The following TACC1 variants were observed in gnomAD, a reference collection of about 807,000 sequenced individuals.
TACC1 encodes the protein transforming acidic coiled-coil containing protein 1.
TACC1 carries 48 observed loss-of-function variants against 84.4 expected under a neutral mutation model. That is an observed-to-expected ratio of 0.57 (90% CI 0.45 to 0.72). The LOEUF is 0.72. Ranked by LOEUF, TACC1 falls within the 30% of genes least tolerant of loss-of-function variation. The pLI, the probability that TACC1 is intolerant of heterozygous loss-of-function variation, is 0.00. For synonymous variants in TACC1, 372 were observed against 376.3 expected, an observed-to-expected ratio of 0.99 and a Z score of 0.13; for missense variants, 920 against 973.0, an observed-to-expected ratio of 0.95 and a Z score of 0.72.
chr8:38,777,801 A>AG (rs1181021232), intron 3 of TACC1, among the ~76,000 whole-genome samples: 1 of 152,160 alleles, frequency 6.6e-6, no homozygotes, highest in African/African-American at 2.4e-5. Flanking sequence ...TCTCTAAAAG[A>AG]GAAAAAAAAG....
At chr8:38,742,714 T>G (rs919215701) in intron 2 of TACC1, among the ~76,000 whole-genome samples, 1 of 152,086 alleles carries the variant, frequency 6.6e-6, no homozygotes, top group Non-Finnish European at 1.5e-5. Flanking sequence ...TTTTTGCTTG[T>G]TTGTTTTGAT....
chr8:38,848,170 T>G lies in TACC1; in HGVS notation c.*147T>G. Reference sequence around the variant, plus strand: ...ACATGCCTACTGCTGCCTGTCCCGCTTTGCTGCCAATGCAACAGCCCTGGA... The same window carrying G: ...ACATGCCTACTGCTGCCTGTCCCGCGTTGCTGCCAATGCAACAGCCCTGGA... On this transcript the variant is annotated 3_prime_UTR_variant, in exon 13 of 13. Transcript: ENST00000317827. 7.2e-6 allele frequency: 5 copies of G among 695,960 alleles called. No homozygotes were observed. The highest frequency in any genetic ancestry group is 1.2e-5 in the Non-Finnish European group (5 of 424,102). The allele number at this position is 695,960 out of a possible 1,614,324, so 43.1% of individuals were successfully genotyped here.
intron 2 of TACC1, among the ~76,000 whole-genome samples, chr8:38,816,221 A>G (rs990424451): frequency 6.6e-6 from 1 of 152,236 alleles, no homozygotes; most frequent in African/African-American, 2.4e-5. Context: ...AATTTTAGAA[A>G]TAGTACATAA....
Position 38,827,236 on chromosome 8 carries a change from GAAA to G in TACC1, c.1522_1524del (p.Lys508del). On this transcript the variant is annotated inframe_deletion, in exon 5 of 13. Coordinates refer to ENST00000317827, the MANE Select transcript of TACC1 (RefSeq NM_006283.3). The stretch of plus-strand genomic sequence containing the variant: ...GGGATGGCCATGCTACTGATGAGGA[GAAA>G]CTGGCATCCACGTCATGTGGTCAGA... The G allele has an allele frequency of 1.2e-6, 2 of 1,614,212 alleles. No individual in the cohort carries two copies. The highest frequency in any genetic ancestry group is 1.7e-6 in the Non-Finnish European group (2 of 1,180,038).
At chr8:38,812,178 AC>A (rs1362847110) in intron 2 of TACC1, among the ~76,000 whole-genome samples, 1 of 152,192 alleles carries the variant, frequency 6.6e-6, no homozygotes, top group Non-Finnish European at 1.5e-5. Flanking sequence ...GCATAGCTGA[AC>A]ATAGACTCTC....
intron 3 of TACC1, among the ~76,000 whole-genome samples, chr8:38,760,455 G>C (rs1463462044): frequency 6.6e-6 from 1 of 152,186 alleles, no homozygotes; most frequent in Non-Finnish European, 1.5e-5. Flanking sequence ...GTTAGTTTAG[G>C]AAACATTGGA....
At chr8:38,846,586 A>G (rs2152338265) in intron 11 of TACC1, 113 bp from the exon 12 acceptor site, 13 of 1,288,724 alleles carry the variant, frequency 1.0e-5, no homozygotes, top group South Asian at 7.4e-5. Context: ...CATGCAGTCA[A>G]TTCTTTGAGG....
At chr8:38,805,783 G>A (rs1420820743) in intron 2 of TACC1, 3 of 152,202 alleles carry the variant, frequency 2.0e-5, no homozygotes, top group African/African-American at 4.8e-5. Context: ...ACAGAGTGCC[G>A]ACATTGAACA....
Position 38,787,336 on chromosome 8 carries a change from G to C in TACC1, c.-247G>C. The stretch of plus-strand genomic sequence containing the variant: ...CAGGACGGGCGTCTTCCCGGCTAGT[G>C]GAGCCCGGCGCGGGGCCCGCTGCGG... On this transcript the variant is annotated 5_prime_UTR_variant, in exon 1 of 13. Coordinates refer to ENST00000317827, the MANE Select transcript of TACC1 (RefSeq NM_006283.3). 4 of 1,288,926 alleles carry C rather than the reference G, an allele frequency of 3.1e-6. No homozygotes were observed. Among genetic ancestry groups the C allele is most frequent in the Non-Finnish European group, 3.9e-6 (4 of 1,020,306 alleles). 79.8% of individuals were successfully genotyped at this position (1,288,926 alleles called of 1,614,324 possible).
Position 38,851,658 on chromosome 8 carries a change from T to G in TACC1, c.*3635T>G, listed in dbSNP as rs928094854. 3.5e-6 allele frequency: 1 copy of G among 284,018 alleles called. No homozygotes were observed. Among genetic ancestry groups the G allele is most frequent in the Non-Finnish European group, 7.1e-6 (1 of 140,134 alleles). 17.6% of individuals were successfully genotyped at this position (284,018 alleles called of 1,614,324 possible). A position where few individuals can be genotyped will look rare whatever the true frequency, so the allele number is the denominator to read the frequency against. On this transcript the variant is annotated 3_prime_UTR_variant, in exon 13 of 13. Coordinates refer to ENST00000317827, the MANE Select transcript of TACC1 (RefSeq NM_006283.3). ...TCTGACTGTTGTCTCTTTGTGGTCA[T>G]GTGATTGTGAGCTTGCTTTCTGACT...
chr8:38,793,627 G>A (rs1456809135), intron 2 of TACC1, among the ~76,000 whole-genome samples: 1 of 152,088 alleles, frequency 6.6e-6, no homozygotes, highest in Admixed American at 6.5e-5. Context: ...TATTTTGGTA[G>A]ATATGGGGTC....
intron 1 of TACC1, among the ~76,000 whole-genome samples, chr8:38,732,525 G>A (rs1439213253): frequency 6.6e-6 from 1 of 152,130 alleles, no homozygotes; most frequent in African/African-American, 2.4e-5. Context: ...TGGATTACAT[G>A]TATAATGATC....
At position 38,852,981 on chromosome 8, in the gene TACC1, A is replaced by AT. The variant is rs1227693531; in HGVS notation, c.*4964dup. On this transcript the variant is annotated 3_prime_UTR_variant, in exon 13 of 13. Transcript: ENST00000317827. Reference sequence around the variant, plus strand: ...AAATTATTATAATGATTACTAATATATTTTTTCCATGTTTCATTGCCTGAA... The same window carrying AT: ...AAATTATTATAATGATTACTAATATATTTTTTTCCATGTTTCATTGCCTGAA... 1.3e-5 allele frequency: 2 copies of AT among 152,590 alleles called. No individual in the cohort carries two copies. Among genetic ancestry groups the AT allele is most frequent in the Non-Finnish European group, 2.9e-5 (2 of 68,022 alleles). 9.5% of individuals were successfully genotyped at this position (152,590 alleles called of 1,614,324 possible).
intron 2 of TACC1, among the ~76,000 whole-genome samples, chr8:38,798,637 G>GTA (rs1554515673): frequency 1.3e-5 from 2 of 151,338 alleles, no homozygotes; most frequent in South Asian, 4.2e-4. Flanking sequence ...GTGTGTGTGT[G>GTA]TGTATGTGTA....
chr8:38,796,775 G>A (rs954463273), intron 2 of TACC1, among the ~76,000 whole-genome samples: 2 of 152,230 alleles, frequency 1.3e-5, no homozygotes, highest in Admixed American at 6.5e-5. Flanking sequence ...GGTGTGTGGA[G>A]GTGTGTGCGG....
At chr8:38,750,535 A>G (rs115450903) in intron 3 of TACC1, among the ~76,000 whole-genome samples, 1,627 of 152,340 alleles carry the variant, frequency 0.011, 25 homozygotes, top group African/African-American at 0.037. Context: ...GTCCTTATCT[A>G]CAAGTGACAT....
At chr8:38,835,234 A>G (rs1002402038) in intron 6 of TACC1, among the ~76,000 whole-genome samples, 7 of 151,650 alleles carry the variant, frequency 4.6e-5, no homozygotes, top group Admixed American at 1.3e-4. Context: ...AGCCTGGGCC[A>G]CAGAGTGAGA....
At chr8:38,753,921 C>CTTTCTTTCTTTCTTTCTTTCTTTCTTTT (rs1587272105) in intron 3 of TACC1, among the ~76,000 whole-genome samples, 1 of 140,578 alleles carries the variant, frequency 7.1e-6, no homozygotes, top group Non-Finnish European at 1.6e-5. Context: ...TTCTTTCTTT[C>CTTTCTTTCTTTCTTTCTTTCTTTCTTTT]TTTCTTTCTT....
intron 2 of TACC1, among the ~76,000 whole-genome samples, chr8:38,794,152 A>G (rs1300252871): frequency 1.3e-5 from 2 of 152,196 alleles, no homozygotes; most frequent in African/African-American, 4.8e-5. Flanking sequence ...TTGATTTTCA[A>G]TTGACTCAAA....
Sources: gnomAD v4.1 joint callset for allele counts (sites outside exome capture counted in the v4.1 genomes callset) on GRCh38, gnomAD v4.1.1 for gene constraint, MANE v1.5 for transcripts, NCBI Gene and HGNC (gene_info 2026-07-23, HGNC 2026-07-21) for gene names.